SKI: variants seen among roughly 807,000 people sequenced by gnomAD.
SKI encodes ski oncogene.
SKI carries 23 observed loss-of-function variants against 59.3 expected under a neutral mutation model. The observed-to-expected ratio is 0.39, with a 90% CI of 0.28 to 0.55. The LOEUF is 0.55. Among genes scored for constraint, SKI ranks in the 20% least tolerant of loss-of-function variants. The pLI is 0.67. For missense variants in SKI, 1,017 were observed against 1,038.9 expected, an observed-to-expected ratio of 0.98 and a Z score of 0.29; for synonymous variants, 673 against 488.6, an observed-to-expected ratio of 1.38 and a Z score of -4.98.
chr1:2,287,698 CTT>C (rs1434215657), intron 1 of SKI, among the ~76,000 whole-genome samples: 1 of 152,168 alleles, frequency 6.6e-6, no homozygotes, highest in East Asian at 1.9e-4. Flanking sequence ...CATGCGTCAC[CTT>C]CCCTGTGTGG....
Position 2,269,304 on chromosome 1 carries a change from TG to T in SKI, c.970-33671del, listed in dbSNP as rs1639565985. 6.6e-6 allele frequency among the ~76,000 whole-genome samples: 1 copy of T among 152,218 alleles called. No individual in the cohort carries two copies. The highest frequency in any genetic ancestry group is 6.5e-5 in the Admixed American group (1 of 15,280). On this transcript the variant is annotated intron_variant, in intron 1 of 6. Coordinates refer to ENST00000378536, the MANE Select transcript of SKI (RefSeq NM_003036.4). This position sits in a 1 kb window ranked among gnomAD's most constrained non-coding sequence, Gnocchi z 4.7. ...GGAAGAAAGCACCGCTGGCCATGAC[TG>T]GGCAGAGCCAGAGAGTGACTAAGGG...
At chr1:2,259,340 A>G (rs1451967816) in intron 1 of SKI, among the ~76,000 whole-genome samples, 1 of 152,190 alleles carries the variant, frequency 6.6e-6, no homozygotes, top group Non-Finnish European at 1.5e-5. Context: ...TAGAGAAAGA[A>G]TAATTGTAAC....
At chr1:2,237,610 G>C (rs1020826320) in intron 1 of SKI, among the ~76,000 whole-genome samples, 1 of 152,236 alleles carries the variant, frequency 6.6e-6, no homozygotes, top group East Asian at 1.9e-4. Context: ...GGGCACAGTT[G>C]TTGCAGAGTC....
chr1:2,290,895 G>A (rs1640148409), intron 1 of SKI, among the ~76,000 whole-genome samples: 2 of 152,242 alleles, frequency 1.3e-5, no homozygotes, highest in African/African-American at 4.8e-5. Context: ...ATCCTGTGCC[G>A]CTTCTGTGTT....
At chr1:2,298,082 G>A (rs1274364366) in intron 1 of SKI, among the ~76,000 whole-genome samples, 7 of 152,216 alleles carry the variant, frequency 4.6e-5, no homozygotes, top group African/African-American at 1.7e-4. Flanking sequence ...GACCCACAGA[G>A]CTTGGTGGTG....
At chr1:2,257,449 C>T (rs1334798631) in intron 1 of SKI, among the ~76,000 whole-genome samples, 1 of 152,250 alleles carries the variant, frequency 6.6e-6, no homozygotes, top group Admixed American at 6.5e-5. Context: ...CGCTTTGGTG[C>T]CAGAGCGCGT....
At chr1:2,287,703 CTG>C (rs1640070650) in intron 1 of SKI, among the ~76,000 whole-genome samples, 1 of 152,072 alleles carries the variant, frequency 6.6e-6, no homozygotes, top group African/African-American at 2.4e-5. Context: ...GTCACCTTCC[CTG>C]TGTGGGGCGT....
chr1:2,271,512 G>GGCAGGTTCC (rs1367126035), intron 1 of SKI, among the ~76,000 whole-genome samples: 1 of 152,186 alleles, frequency 6.6e-6, no homozygotes, highest in African/African-American at 2.4e-5. Flanking sequence ...CTCAGATGCT[G>GGCAGGTTCC]GCAGGTTCCG....
chr1:2,290,048 G>T (rs1035756033), intron 1 of SKI, among the ~76,000 whole-genome samples: 1 of 152,206 alleles, frequency 6.6e-6, no homozygotes, highest in Non-Finnish European at 1.5e-5. Context: ...AGAGACCCTT[G>T]CCCTCTTGTG....
chr1:2,261,073 C>T (rs1267227429), intron 1 of SKI, among the ~76,000 whole-genome samples: 1 of 152,214 alleles, frequency 6.6e-6, no homozygotes, highest in East Asian at 1.9e-4. Context: ...AAGATTAGTT[C>T]TCTACTGGAT....
chr1:2,247,390 G>A (rs1344735609), intron 1 of SKI, among the ~76,000 whole-genome samples: 2 of 152,232 alleles, frequency 1.3e-5, no homozygotes, highest in Non-Finnish European at 1.5e-5. Flanking sequence ...TGTTTGCAGC[G>A]TGCTTCTCCC....
intron 1 of SKI, among the ~76,000 whole-genome samples, chr1:2,253,941 G>C (rs1415925590): frequency 1.3e-5 from 2 of 152,236 alleles, no homozygotes; most frequent in Non-Finnish European, 2.9e-5. Context: ...CAGAGTGCCT[G>C]CTGCTGGAAG....
chr1:2,285,325 C>G (rs977326219), intron 1 of SKI, among the ~76,000 whole-genome samples: 2 of 152,000 alleles, frequency 1.3e-5, no homozygotes, highest in Admixed American at 1.3e-4. Context: ...CCAGCATGGC[C>G]AACATGGTGA....
chr1:2,277,230 AT>A (rs1639761878), intron 1 of SKI, among the ~76,000 whole-genome samples: 1 of 152,154 alleles, frequency 6.6e-6, no homozygotes, highest in Non-Finnish European at 1.5e-5. Context: ...AATAGCTGAG[AT>A]TACAGGCACA....
At chr1:2,285,877 T>G (rs991173344) in intron 1 of SKI, among the ~76,000 whole-genome samples, 4 of 148,624 alleles carry the variant, frequency 2.7e-5, no homozygotes, top group South Asian at 2.2e-4. Context: ...AAGGTTTTTT[T>G]TTTTTTTTTT....
At chr1:2,248,193 G>C (rs545421476) in intron 1 of SKI, 5 of 152,302 alleles carry the variant, frequency 3.3e-5, no homozygotes, top group Admixed American at 6.5e-5. Flanking sequence ...CAGGTTCTTG[G>C]GGGGAGCTCC....
intron 1 of SKI, among the ~76,000 whole-genome samples, chr1:2,266,649 G>A (rs1339809927): frequency 2.0e-5 from 3 of 152,084 alleles, no homozygotes; most frequent in Non-Finnish European, 4.4e-5. Context: ...GAGGGTGATG[G>A]GTCTCTGTGA....
chr1:2,303,171 C>A lies in SKI; in HGVS notation c.1095+68C>A. 1 of 1,605,818 alleles carries A rather than the reference C, an allele frequency of 6.2e-7. No homozygotes were observed. Among genetic ancestry groups the A allele is most frequent in the Non-Finnish European group, 8.5e-7 (1 of 1,174,830 alleles). ...GGCCCTTCTCCTTGGGCAGACCCAG[C>A]GGCTGGCAGCTCCACCTGCCCGCTA... On this transcript the variant is annotated intron_variant, in intron 2 of 6. Transcript: ENST00000378536. This position sits in a 1 kb window ranked among gnomAD's most constrained non-coding sequence, Gnocchi z 5.6.
intron 1 of SKI, among the ~76,000 whole-genome samples, chr1:2,301,613 G>A (rs575831306): frequency 2.0e-5 from 3 of 152,282 alleles, no homozygotes; most frequent in Non-Finnish European, 2.9e-5. Flanking sequence ...CCTGCCCTGC[G>A]CCCCATCTTC....
Sources: allele counts gnomAD v4.1 joint callset (sites outside exome capture counted in the v4.1 genomes callset), GRCh38; gene constraint gnomAD v4.1.1; non-coding constraint Gnocchi (gnomAD v3.1); transcripts MANE v1.5; gene names NCBI Gene and HGNC (gene_info 2026-07-23, HGNC 2026-07-21).